TPGS2: variants seen among roughly 807,000 people sequenced by gnomAD.
TPGS2 encodes the protein tubulin polyglutamylase complex subunit 2.
TPGS2 carries 26 observed loss-of-function variants against 31.1 expected under a neutral mutation model. The ratio of observed to expected loss-of-function variants is 0.84; its 90% CI spans 0.61 to 1.16. TPGS2 has a LOEUF of 1.16. Among genes scored for constraint, TPGS2 ranks in the 50% most tolerant of loss-of-function variants. The pLI, the probability that TPGS2 is intolerant of heterozygous loss-of-function variation, is 0.00. For missense variants in TPGS2, 351 were observed against 363.8 expected (o/e 0.96, Z 0.29); for synonymous variants, 130 against 136.6 (o/e 0.95, Z 0.34).
In TPGS2 at chr18:36,828,829, C is replaced by T; in HGVS notation, c.-62G>A. The T allele has an allele frequency of 6.3e-7, 1 of 1,583,704 alleles. No individual in the cohort carries two copies. Among genetic ancestry groups the T allele is most frequent in the Non-Finnish European group, 8.6e-7 (1 of 1,160,444 alleles). On this transcript the variant is annotated 5_prime_UTR_variant, in exon 1 of 7. Coordinates refer to ENST00000334295, the MANE Select transcript of TPGS2 (RefSeq NM_015476.4). ...TGGAGGGCCGGACCCCGCCTCAGCGCCGAGGCCAATTTCATGGCATGCCGG... is the reference window on the plus strand; with the variant it reads ...TGGAGGGCCGGACCCCGCCTCAGCGTCGAGGCCAATTTCATGGCATGCCGG...
intron 6 of TPGS2, among the ~76,000 whole-genome samples, chr18:36,783,938 A>G (rs1367783812): frequency 2.0e-5 from 3 of 152,102 alleles, no homozygotes; most frequent in Admixed American, 1.3e-4. Context: ...CCCTTATAAG[A>G]GAAAGGCAGA....
downstream of TPGS2, among the ~76,000 whole-genome samples, chr18:36,781,277 C>A (rs547694476): frequency 5.9e-5 from 9 of 152,278 alleles, no homozygotes; most frequent in African/African-American, 1.9e-4. Context: ...TCTCTGAAAA[C>A]AGGGAAAGGT....
intron 6 of TPGS2, among the ~76,000 whole-genome samples, chr18:36,788,421 T>C (rs2044198664): frequency 6.6e-6 from 1 of 152,212 alleles, no homozygotes; most frequent in Non-Finnish European, 1.5e-5. Context: ...TCCCATGAGA[T>C]GGCCTCGTTT....
rs1244345304 is a variant in TPGS2, at chr18:36,795,568, T to TA, written c.*1236dup. The TA allele has an allele frequency of 3.2e-5, 32 of 985,434 alleles. No individual in the cohort carries two copies. In the African/African-American group the frequency reaches 5.6e-4, roughly 17 times the overall value. 61.0% of individuals were successfully genotyped at this position (985,434 alleles called of 1,614,324 possible). ...CAGCCAGGACTGTAGAGGGAGGAAA[T>TA]AAATAGGCATTCCTAATTGAAAATC... is the stretch of plus-strand genomic sequence containing the variant. On this transcript the variant is annotated 3_prime_UTR_variant, in exon 7 of 7. Transcript: ENST00000334295.
In TPGS2 at chr18:36,828,906, G is replaced by C. The variant is rs923172578; in HGVS notation, c.-139C>G. On this transcript the variant is annotated 5_prime_UTR_variant, in exon 1 of 7. Coordinates refer to ENST00000334295, the MANE Select transcript of TPGS2 (RefSeq NM_015476.4). ...CGCGGCGCAGTGATGATGGGGGCCC[G>C]GGGTTGGTCTGACAGCAGCAGCTCC... 6.3e-6 allele frequency: 7 copies of C among 1,119,140 alleles called. No homozygotes were observed. Among genetic ancestry groups the C allele is most frequent in the Non-Finnish European group, 7.5e-6 (6 of 800,174 alleles). 69.3% of individuals were successfully genotyped at this position (1,119,140 alleles called of 1,614,324 possible).
chr18:36,788,806 G>T (rs1316576748), intron 6 of TPGS2: 1 of 152,160 alleles, frequency 6.6e-6, no homozygotes, highest in Non-Finnish European at 1.5e-5. Flanking sequence ...AATCATGGAA[G>T]ATGGGGTATC....
chr18:36,792,591 G>A (rs948867979), downstream of TPGS2, among the ~76,000 whole-genome samples: 3 of 152,128 alleles, frequency 2.0e-5, no homozygotes, highest in Non-Finnish European at 4.4e-5. Context: ...CAGATTTGGT[G>A]AGCATCATTG....
At chr18:36,806,406 T>A (rs1018924284) in intron 3 of TPGS2, among the ~76,000 whole-genome samples, 2 of 152,120 alleles carry the variant, frequency 1.3e-5, no homozygotes, top group African/African-American at 4.8e-5. Context: ...GTTGGTTTAG[T>A]CTCTGTCCCC....
intron 4 of TPGS2, among the ~76,000 whole-genome samples, chr18:36,803,319 G>C (rs539278248): frequency 6.6e-6 from 1 of 152,274 alleles, no homozygotes; most frequent in East Asian, 1.9e-4. Context: ...CTGCTGATCT[G>C]TTACCTGTTA....
chr18:36,801,111 G>C (rs1202811917), intron 4 of TPGS2, among the ~76,000 whole-genome samples: 1 of 152,144 alleles, frequency 6.6e-6, no homozygotes, highest in Non-Finnish European at 1.5e-5. Flanking sequence ...TCTATGGATA[G>C]GCATTTGCCT....
At chr18:36,793,599 TTGAG>T (rs1202493126), downstream of TPGS2, among the ~76,000 whole-genome samples, 1 of 152,140 alleles carries the variant, frequency 6.6e-6, no homozygotes, top group Admixed American at 6.5e-5. Context: ...ACAGTAACAG[TTGAG>T]TTAGTTTTGT....
intron 6 of TPGS2, 141 bp downstream of exon 6, chr18:36,798,308 G>A: frequency 6.7e-7 from 1 of 1,501,074 alleles, no homozygotes; most frequent in Non-Finnish European, 8.9e-7. Context: ...CATCTGTCTT[G>A]CTTATTGAAA....
chr18:36,795,548 A>G lies in TPGS2; in HGVS notation c.*1257T>C. 1.0e-6 allele frequency: 1 copy of G among 985,478 alleles called. No homozygotes were observed. The highest frequency in any genetic ancestry group is 1.2e-6 in the Non-Finnish European group (1 of 829,950). The allele number at this position is 985,478 out of a possible 1,614,324, so 61.0% of individuals were successfully genotyped here. On this transcript the variant is annotated 3_prime_UTR_variant, in exon 7 of 7. Transcript: ENST00000334295. ...GAAGGCCTTGCTTCTGCCCACAGCCAGGACTGTAGAGGGAGGAAATAAATA... is the reference window on the plus strand; with the variant it reads ...GAAGGCCTTGCTTCTGCCCACAGCCGGGACTGTAGAGGGAGGAAATAAATA...
chr18:36,797,169 A>G, intron 6 of TPGS2, 119 bp from the exon 7 acceptor site: 2 of 1,536,652 alleles, frequency 1.3e-6, no homozygotes, highest in Non-Finnish European at 8.7e-7. Flanking sequence ...TTTCATGAAA[A>G]ACTGCCTAAA....
intron 2 of TPGS2, among the ~76,000 whole-genome samples, chr18:36,813,138 C>T (rs983204734): frequency 1.3e-5 from 2 of 152,194 alleles, no homozygotes; most frequent in African/African-American, 4.8e-5. Context: ...GTTTATCTTT[C>T]CTTAAGCCAA....
downstream of TPGS2, chr18:36,782,871 A>G (rs937068507): frequency 1.6e-5 from 6 of 384,118 alleles, no homozygotes; most frequent in Admixed American, 4.5e-5. Flanking sequence ...TGGGAGGAAC[A>G]TCGGAAGTGG....
intron 4 of TPGS2, among the ~76,000 whole-genome samples, chr18:36,800,573 T>C (rs1270142034): frequency 6.6e-6 from 1 of 152,234 alleles, no homozygotes; most frequent in African/African-American, 2.4e-5. Flanking sequence ...AGCAAACTTC[T>C]TGGAAGTGGG....
intron 6 of TPGS2, chr18:36,797,910 C>T (rs1307641072): frequency 6.4e-6 from 1 of 156,550 alleles, no homozygotes. Flanking sequence ...CCTAAATGTA[C>T]TGAAAGGGAA....
chr18:36,796,165 T>C lies in TPGS2; in HGVS notation c.*640A>G, dbSNP rs901624229. The C allele has an allele frequency of 1.0e-6, 1 of 985,298 alleles. No homozygotes were observed. The highest frequency in any genetic ancestry group is 1.7e-5 in the African/African-American group (1 of 57,228). 61.0% of individuals were successfully genotyped at this position (985,298 alleles called of 1,614,324 possible). On this transcript the variant is annotated 3_prime_UTR_variant, in exon 7 of 7. Transcript: ENST00000334295. ...ATACAAAGAACATACAATTGTGTAC[T>C]TGAGAGGTTTCATGGAACATTATGA...
Sources: allele counts gnomAD v4.1 joint callset (sites outside exome capture counted in the v4.1 genomes callset), GRCh38; gene constraint gnomAD v4.1.1; transcripts MANE v1.5; gene names NCBI Gene and HGNC (gene_info 2026-07-23, HGNC 2026-07-21).